The following RIT2 variants were observed in gnomAD, a reference collection of about 807,000 sequenced individuals.
RIT2 encodes GTP-binding protein Rit2.
RIT2 carries 24 observed loss-of-function variants against 23.7 expected under a neutral mutation model. The observed-to-expected ratio is 1.01, with a 90% CI of 0.73 to 1.43. The LOEUF (loss-of-function observed/expected upper bound fraction) is 1.43, where lower values mean the gene tolerates loss of function less well. Ranked by LOEUF, RIT2 falls within the 40% of genes most tolerant of loss-of-function variation. The pLI, the probability that RIT2 is intolerant of heterozygous loss-of-function variation, is 0.00. For synonymous variants in RIT2, 107 were observed against 91.1 expected, an observed-to-expected ratio of 1.17 and a Z score of -0.99; for missense variants, 236 against 266.9, an observed-to-expected ratio of 0.88 and a Z score of 0.81.
intron 3 of RIT2, among the ~76,000 whole-genome samples, chr18:42,953,934 C>T (rs1166859058): frequency 6.6e-6 from 1 of 152,106 alleles, no homozygotes; most frequent in Non-Finnish European, 1.5e-5. Context: ...AACTCTATTT[C>T]TCATCTAAAA....
At chr18:42,939,967 G>T (rs1173607311) in intron 3 of RIT2, among the ~76,000 whole-genome samples, 1 of 151,790 alleles carries the variant, frequency 6.6e-6, no homozygotes, top group African/African-American at 2.4e-5. Flanking sequence ...ATTTCCTATT[G>T]CTTGTCCACC....
intron 4 of RIT2, among the ~76,000 whole-genome samples, chr18:42,813,992 A>C (rs2143981050): frequency 6.6e-6 from 1 of 152,246 alleles, no homozygotes; most frequent in South Asian, 2.1e-4. Flanking sequence ...GAAGATTCTA[A>C]CCCTACCTGG....
intron 2 of RIT2, among the ~76,000 whole-genome samples, chr18:42,980,707 G>A (rs2144212723): frequency 6.6e-6 from 1 of 152,176 alleles, no homozygotes; most frequent in East Asian, 1.9e-4. Context: ...AATGAGGAAG[G>A]GCAAGCTGGG....
chr18:42,809,435 C>T (rs1348216152), intron 4 of RIT2, among the ~76,000 whole-genome samples: 2 of 151,892 alleles, frequency 1.3e-5, no homozygotes, highest in Admixed American at 6.6e-5. Context: ...AAATAAATTC[C>T]AAAGCTACCC....
At chr18:42,957,536 C>A (rs1453452893) in intron 3 of RIT2, among the ~76,000 whole-genome samples, 7 of 152,122 alleles carry the variant, frequency 4.6e-5, no homozygotes, top group African/African-American at 7.2e-5. Flanking sequence ...GTAATCCCAG[C>A]ACTTTGGGAG....
chr18:43,032,219 A>G (rs1911870249), intron 2 of RIT2, among the ~76,000 whole-genome samples: 1 of 152,052 alleles, frequency 6.6e-6, no homozygotes, highest in Admixed American at 6.6e-5. Context: ...GATGTGTCTC[A>G]TGGATAACTA....
At chr18:43,067,597 A>C (rs1912800511) in intron 1 of RIT2, among the ~76,000 whole-genome samples, 1 of 152,220 alleles carries the variant, frequency 6.6e-6, no homozygotes, top group South Asian at 2.1e-4. Context: ...ATTAGTTGAA[A>C]GAGTTATTAT....
intron 1 of RIT2, among the ~76,000 whole-genome samples, chr18:43,065,964 C>A (rs532400304): frequency 6.6e-6 from 1 of 152,114 alleles, no homozygotes; most frequent in Non-Finnish European, 1.5e-5. Context: ...ACAATTACAT[C>A]CAGAGTAATA....
intron 1 of RIT2, among the ~76,000 whole-genome samples, chr18:43,086,960 G>T (rs1203874387): frequency 2.0e-5 from 3 of 152,110 alleles, no homozygotes; most frequent in Non-Finnish European, 1.5e-5. Flanking sequence ...CCCAGAGTAG[G>T]TATTCATGGC....
intron 1 of RIT2, among the ~76,000 whole-genome samples, chr18:43,052,362 T>C (rs1291760391): frequency 6.6e-6 from 1 of 152,096 alleles, no homozygotes; most frequent in Non-Finnish European, 1.5e-5. Context: ...TAATTGGGCT[T>C]ATATGTTTCT....
chr18:42,889,179 G>A (rs1377171810), intron 4 of RIT2, among the ~76,000 whole-genome samples: 1 of 151,928 alleles, frequency 6.6e-6, no homozygotes, highest in Non-Finnish European at 1.5e-5. Context: ...AACATATACT[G>A]TTTTAAAAAT....
intron 2 of RIT2, among the ~76,000 whole-genome samples, chr18:43,003,809 C>CACAT (rs1472199618): frequency 8.3e-6 from 1 of 120,870 alleles, no homozygotes; most frequent in African/African-American, 2.9e-5. Flanking sequence ...CACACACACA[C>CACAT]ATTAATATTG....
At chr18:42,912,277 C>A (rs1908789495) in intron 4 of RIT2, among the ~76,000 whole-genome samples, 1 of 151,200 alleles carries the variant, frequency 6.6e-6, no homozygotes, top group Admixed American at 6.6e-5. Flanking sequence ...AGATGAATGT[C>A]CCCAAACTTA....
intron 1 of RIT2, among the ~76,000 whole-genome samples, chr18:43,102,523 A>C (rs955623683): frequency 6.6e-6 from 1 of 151,040 alleles, no homozygotes; most frequent in Non-Finnish European, 1.5e-5. Flanking sequence ...CGGAAATAAA[A>C]CATGAGCTAT....
At chr18:42,819,250 C>A (rs1158828210) in intron 4 of RIT2, among the ~76,000 whole-genome samples, 1 of 151,954 alleles carries the variant, frequency 6.6e-6, no homozygotes, top group African/African-American at 2.4e-5. Context: ...TAGGATTATG[C>A]AAAAACAATG....
intron 1 of RIT2, among the ~76,000 whole-genome samples, chr18:43,075,253 T>C (rs1421224728): frequency 6.6e-6 from 1 of 152,198 alleles, no homozygotes; most frequent in Non-Finnish European, 1.5e-5. Context: ...CTTTTTTTAT[T>C]TCTAATATAG....
chr18:42,921,062 G>C (rs1303496517), intron 4 of RIT2, among the ~76,000 whole-genome samples: 1 of 151,972 alleles, frequency 6.6e-6, no homozygotes. Context: ...GTTTAGTAAA[G>C]TCAATTGCTA....
intron 2 of RIT2, among the ~76,000 whole-genome samples, chr18:43,019,043 T>C (rs1260593949): frequency 2.0e-5 from 3 of 151,906 alleles, no homozygotes; most frequent in Admixed American, 2.0e-4. Flanking sequence ...TGCTCACATA[T>C]CAAGATTAAT....
At chr18:42,844,706 G>T (rs1359225673) in intron 4 of RIT2, among the ~76,000 whole-genome samples, 2 of 152,050 alleles carry the variant, frequency 1.3e-5, no homozygotes, top group African/African-American at 4.8e-5. Flanking sequence ...AGGCAACATT[G>T]ATTGGTAAAA....
Sources: allele counts gnomAD v4.1 joint callset (sites outside exome capture counted in the v4.1 genomes callset), GRCh38; gene constraint gnomAD v4.1.1; transcripts MANE v1.5; gene names NCBI Gene and HGNC (gene_info 2026-07-23, HGNC 2026-07-21).